GABBR2: variants seen among roughly 807,000 people sequenced by gnomAD.
GABBR2 encodes the protein gamma-aminobutyric acid type B receptor subunit 2, also known as G-protein coupled receptor 51.
GABBR2 carries 23 observed loss-of-function variants against 105.6 expected under a neutral mutation model. The observed-to-expected ratio is 0.22, with a 90% CI of 0.16 to 0.31. GABBR2 has a LOEUF of 0.31. GABBR2 is among the 10% of genes least tolerant of loss of function. The pLI, the probability that GABBR2 is intolerant of heterozygous loss-of-function variation, is 1.00. For missense variants in GABBR2, 734 were observed against 1,245.5 expected (o/e 0.59, Z 6.18); for synonymous variants, 478 against 499.7 (o/e 0.96, Z 0.58).
intron 3 of GABBR2, among the ~76,000 whole-genome samples, chr9:98,540,482 T>C (rs1383954995): frequency 2.0e-5 from 3 of 152,136 alleles, no homozygotes; most frequent in Admixed American, 1.3e-4. Context: ...CTCCTTCCCA[T>C]GGAAGAGACA....
intron 1 of GABBR2, among the ~76,000 whole-genome samples, chr9:98,695,377 A>T (rs1321371564): frequency 1.3e-5 from 2 of 152,144 alleles, no homozygotes; most frequent in Admixed American, 1.3e-4. Context: ...AGTTATAAAG[A>T]CTTCACTGGA....
chr9:98,297,416 G>A (rs1830398943), intron 17 of GABBR2, among the ~76,000 whole-genome samples: 1 of 151,916 alleles, frequency 6.6e-6, no homozygotes, highest in East Asian at 1.9e-4. Flanking sequence ...TTCGAGACCA[G>A]CCTGGCCAAC....
chr9:98,415,095 AG>A (rs1832664135), intron 7 of GABBR2, among the ~76,000 whole-genome samples: 1 of 152,322 alleles, frequency 6.6e-6, no homozygotes, highest in Non-Finnish European at 1.5e-5. Context: ...AACAAAACAA[AG>A]GATAAAAATT....
At chr9:98,567,265 G>A (rs1413695436) in intron 2 of GABBR2, among the ~76,000 whole-genome samples, 1 of 152,282 alleles carries the variant, frequency 6.6e-6, no homozygotes, top group East Asian at 1.9e-4. Flanking sequence ...TTAAAAATAG[G>A]GGTCAGAACC....
At chr9:98,624,637 A>G (rs1829710574) in intron 1 of GABBR2, among the ~76,000 whole-genome samples, 2 of 150,956 alleles carry the variant, frequency 1.3e-5, no homozygotes, top group Admixed American at 1.3e-4. Context: ...GCAGCCAAGG[A>G]AGCAAGCTGC....
rs188095731 is a variant in GABBR2, at chr9:98,425,015, G to A, written c.1237-18874C>T. On this transcript the variant is annotated intron_variant, in intron 7 of 18. Coordinates refer to ENST00000259455, the MANE Select transcript of GABBR2 (RefSeq NM_005458.8). Reference sequence around the variant, plus strand: ...TTCATATGGAACCAAAAAAGAGCCCGCATCGCCAAGTCAATCCTAAGCCAA... The same window carrying A: ...TTCATATGGAACCAAAAAAGAGCCCACATCGCCAAGTCAATCCTAAGCCAA... Among the ~76,000 whole-genome samples the A allele has an allele frequency of 7.9e-5, 12 of 152,034 alleles. No homozygotes were observed. In the South Asian group the frequency reaches 2.1e-3, roughly 26 times the overall value.
In GABBR2 at chr9:98,542,022, G is replaced by A; in HGVS notation, c.481C>T (p.Pro161Ser). 6.2e-7 allele frequency: 1 copy of A among 1,614,114 alleles called. No individual in the cohort carries two copies. Residue 161 changes from proline (P) to serine (S), a missense_variant, in exon 3 of 19, where the codon CCT (proline) becomes TCT (serine). Around this residue, in one of 7 missense-constraint regions of GABBR2, gnomAD observed 370 missense variants for 648.9 expected, o/e 0.57. Transcript: ENST00000259455. The stretch of plus-strand genomic sequence containing the variant: ...TATTTTTTCTTATCGGCTAGAACAG[G>A]CGTGGTTGCAGCAAAAGAAAGCTGA... ...LVQLSFAATT[P>S]VLADKKKYPY... is the part of the protein sequence containing the mutation.
At chr9:98,393,253 G>A (rs963565038) in intron 9 of GABBR2, among the ~76,000 whole-genome samples, 1 of 137,044 alleles carries the variant, frequency 7.3e-6, no homozygotes, top group Non-Finnish European at 1.5e-5. Context: ...CCATCTACCT[G>A]TCCATCTATC....
At chr9:98,479,841 C>T (rs983091256) in intron 5 of GABBR2, among the ~76,000 whole-genome samples, 6 of 152,310 alleles carry the variant, frequency 3.9e-5, no homozygotes, top group African/African-American at 1.4e-4. Flanking sequence ...TGGGGGTCAT[C>T]TGGAACATCC....
chr9:98,533,244 C>T (rs879529826), intron 3 of GABBR2, among the ~76,000 whole-genome samples: 2 of 152,142 alleles, frequency 1.3e-5, no homozygotes, highest in Non-Finnish European at 2.9e-5. Flanking sequence ...TCCTGGGAGA[C>T]ACTCCTGCAG....
At chr9:98,465,121 T>TAAAAA (rs57747633) in intron 6 of GABBR2, among the ~76,000 whole-genome samples, 15 of 22,002 alleles carry the variant, frequency 6.8e-4, no homozygotes, top group East Asian at 2.8e-3. Context: ...CAATAAATAC[T>TAAAAA]AAAAAAAAAA....
intron 13 of GABBR2, among the ~76,000 whole-genome samples, chr9:98,355,356 G>A (rs1831466409): frequency 6.6e-6 from 1 of 151,562 alleles, no homozygotes. Context: ...CTCAATGTAA[G>A]GTTGCCATAA....
At chr9:98,633,215 A>G (rs998616733) in intron 1 of GABBR2, among the ~76,000 whole-genome samples, 2 of 152,164 alleles carry the variant, frequency 1.3e-5, no homozygotes, top group Admixed American at 6.5e-5. Context: ...AAGTGTGAGA[A>G]GTGCTATGAA....
At chr9:98,586,399 A>G (rs1330911779) in intron 1 of GABBR2, among the ~76,000 whole-genome samples, 1 of 150,950 alleles carries the variant, frequency 6.6e-6, no homozygotes, top group Non-Finnish European at 1.5e-5. Flanking sequence ...TCCCAGGTTC[A>G]AGTGATTCTC....
chr9:98,592,917 C>T (rs1283353254), intron 1 of GABBR2, among the ~76,000 whole-genome samples: 1 of 152,082 alleles, frequency 6.6e-6, no homozygotes, highest in Admixed American at 6.5e-5. Flanking sequence ...AAGGAGGTTG[C>T]CCCTTATTTT....
intron 1 of GABBR2, among the ~76,000 whole-genome samples, chr9:98,603,095 C>A (rs1369538113): frequency 6.6e-6 from 1 of 152,232 alleles, no homozygotes; most frequent in East Asian, 1.9e-4. Context: ...GCTAAGAAGA[C>A]TGAATGCTCA....
intron 8 of GABBR2, among the ~76,000 whole-genome samples, chr9:98,398,662 C>T (rs918712951): frequency 1.3e-5 from 2 of 152,256 alleles, no homozygotes; most frequent in South Asian, 4.1e-4. Context: ...TGGGCCTCAA[C>T]TCTGCTCTTC....
chr9:98,475,962 G>T (rs1274759605), intron 5 of GABBR2, among the ~76,000 whole-genome samples: 1 of 152,158 alleles, frequency 6.6e-6, no homozygotes, highest in African/African-American at 2.4e-5. Context: ...TACTCAGGAG[G>T]CTGAGGCAGG....
rs191331332 is a variant in GABBR2, at chr9:98,298,136, T to A, written c.2542+1088A>T. ...CACACGAGTGAATACTGTTAGCAATTTGGTGTTTGTTTTTCTAAACCTTTT... is the reference window on the plus strand; with the variant it reads ...CACACGAGTGAATACTGTTAGCAATATGGTGTTTGTTTTTCTAAACCTTTT... On this transcript the variant is annotated intron_variant, in intron 17 of 18. Transcript: ENST00000259455. Among the ~76,000 whole-genome samples the A allele has an allele frequency of 5.3e-5, 8 of 152,224 alleles. No homozygotes were observed. In the East Asian group the frequency reaches 1.4e-3, roughly 26 times the overall value.
Sources: gnomAD v4.1 joint callset for allele counts (sites outside exome capture counted in the v4.1 genomes callset) on GRCh38, gnomAD v4.1.1 for gene constraint, gnomAD v4.1.1 regional missense constraint, MANE v1.5 for transcripts, NCBI Gene and HGNC (gene_info 2026-07-23, HGNC 2026-07-21) for gene names.